Variants in SYT17 observed in about 807,000 individuals in gnomAD.
SYT17 encodes synaptotagmin-17.
SYT17 carries 22 observed loss-of-function variants against 46.7 expected under a neutral mutation model. The observed-to-expected ratio is 0.47, with a 90% CI of 0.34 to 0.67. The LOEUF (loss-of-function observed/expected upper bound fraction) is 0.67, where lower values mean the gene tolerates loss of function less well. Among genes scored for constraint, SYT17 ranks in the 30% least tolerant of loss-of-function variants. SYT17 has a pLI of 0.01. For synonymous variants in SYT17, 251 were observed against 248.4 expected (o/e 1.01, Z -0.10); for missense variants, 519 against 612.8 (o/e 0.85, Z 1.62).
intron 7 of SYT17, among the ~76,000 whole-genome samples, 194 bp downstream of exon 7, chr16:19,225,032 T>C (rs1308771623): frequency 6.6e-6 from 1 of 152,188 alleles, no homozygotes; most frequent in Non-Finnish European, 1.5e-5. Context: ...TTGTTAGAAA[T>C]GTGGACTTGA....
At chr16:19,214,085 TC>T (rs1966002561) in intron 5 of SYT17, among the ~76,000 whole-genome samples, 1 of 152,108 alleles carries the variant, frequency 6.6e-6, no homozygotes, top group Non-Finnish European at 1.5e-5. Context: ...CCTACCCTAT[TC>T]CCCAGTTATG....
chr16:19,173,007 C>T lies in SYT17; in HGVS notation c.33+230C>T, dbSNP rs192429708. On this transcript the variant is annotated intron_variant, in intron 2 of 7. Transcript: ENST00000355377. Reference sequence around the variant, plus strand: ...ACCCCTACTTATTCCGTTTGATTATCTCTGTCTGTTTCATGTCACCGAGAT... The same window carrying T: ...ACCCCTACTTATTCCGTTTGATTATTTCTGTCTGTTTCATGTCACCGAGAT... 93 of 597,442 alleles carry T rather than the reference C, an allele frequency of 1.6e-4. 1 individual carries two copies. The Admixed American group carries it at 2.5e-3, about 16-fold the overall frequency. The allele number at this position is 597,442 out of a possible 1,614,324, so 37.0% of individuals were successfully genotyped here.
intron 5 of SYT17, among the ~76,000 whole-genome samples, chr16:19,184,773 T>C (rs915694701): frequency 6.6e-6 from 1 of 152,178 alleles, no homozygotes; most frequent in Non-Finnish European, 1.5e-5. Context: ...AGGAGAATGA[T>C]TGCACAGGGT....
chr16:19,178,850 T>A (rs1031156251), intron 3 of SYT17, among the ~76,000 whole-genome samples: 8 of 152,076 alleles, frequency 5.3e-5, no homozygotes, highest in Non-Finnish European at 1.2e-4. Context: ...CCAGCATCCT[T>A]ACCTAGCTTT....
At chr16:19,191,311 G>A (rs575553406) in intron 5 of SYT17, among the ~76,000 whole-genome samples, 5 of 152,286 alleles carry the variant, frequency 3.3e-5, no homozygotes, top group South Asian at 2.1e-4. Context: ...GTATTCAGAC[G>A]GCCTTTGGGG....
chr16:19,228,464 C>G (rs866819850), intron 7 of SYT17, among the ~76,000 whole-genome samples: 9 of 152,256 alleles, frequency 5.9e-5, no homozygotes, highest in South Asian at 4.1e-4. Flanking sequence ...GATTCTCAAC[C>G]CTGGCTGTAC....
At chr16:19,176,741 TCCTGA>T (rs1316736642) in intron 3 of SYT17, among the ~76,000 whole-genome samples, 1 of 152,098 alleles carries the variant, frequency 6.6e-6, no homozygotes, top group Non-Finnish European at 1.5e-5. Context: ...GGTCTTAAAC[TCCTGA>T]CCTCAAGCAG....
intron 7 of SYT17, among the ~76,000 whole-genome samples, chr16:19,244,060 A>C (rs1214410723): frequency 1.3e-5 from 2 of 152,280 alleles, no homozygotes; most frequent in Non-Finnish European, 2.9e-5. Context: ...TAGCTCTTAT[A>C]ATAAAAATAG....
chr16:19,169,024 C>G (rs891948536), intron 1 of SYT17, among the ~76,000 whole-genome samples: 21 of 151,892 alleles, frequency 1.4e-4, no homozygotes, highest in Non-Finnish European at 2.9e-4. Flanking sequence ...GCCAGCCACC[C>G]GGCCCGCCAG....
intron 3 of SYT17, among the ~76,000 whole-genome samples, chr16:19,173,839 C>T (rs1283241677): frequency 2.6e-5 from 4 of 152,190 alleles, no homozygotes; most frequent in South Asian, 4.1e-4. Flanking sequence ...AGATACGAAC[C>T]GTGTAATGCT....
intron 5 of SYT17, among the ~76,000 whole-genome samples, chr16:19,193,448 T>A (rs1358545560): frequency 1.3e-5 from 2 of 152,228 alleles, no homozygotes; most frequent in East Asian, 3.8e-4. Flanking sequence ...GAACATTGCT[T>A]CAACCTGAGA....
chr16:19,199,800 G>A (rs1030620027), intron 5 of SYT17, among the ~76,000 whole-genome samples: 1 of 152,102 alleles, frequency 6.6e-6, no homozygotes, highest in Admixed American at 6.6e-5. Context: ...AAACTAATGG[G>A]GCTATAAGAA....
At chr16:19,264,513 G>A (rs1597059985) in intron 7 of SYT17, among the ~76,000 whole-genome samples, 1 of 152,056 alleles carries the variant, frequency 6.6e-6, no homozygotes, top group Non-Finnish European at 1.5e-5. Context: ...TTGAACAGAT[G>A]CTGTGAACCA....
chr16:19,211,425 C>T, intron 5 of SYT17: 1 of 703,746 alleles, frequency 1.4e-6, no homozygotes, highest in Non-Finnish European at 2.6e-6. Flanking sequence ...GACACATGGG[C>T]ACTTTCTTTG....
At chr16:19,203,398 G>C (rs1233554769) in intron 5 of SYT17, among the ~76,000 whole-genome samples, 1 of 151,980 alleles carries the variant, frequency 6.6e-6, no homozygotes, top group Non-Finnish European at 1.5e-5. Flanking sequence ...TCAGCAGGCT[G>C]AGGTAGGAGA....
intron 5 of SYT17, among the ~76,000 whole-genome samples, chr16:19,188,300 C>T (rs2142632488): frequency 6.6e-6 from 1 of 151,972 alleles, no homozygotes; most frequent in African/African-American, 2.4e-5. Context: ...CACATGGACA[C>T]AGAGAGGGGA....
chr16:19,245,453 G>A (rs1047549005), intron 7 of SYT17, among the ~76,000 whole-genome samples: 1 of 152,116 alleles, frequency 6.6e-6, no homozygotes, highest in Non-Finnish European at 1.5e-5. Context: ...GGGTGAGGTG[G>A]TGATCTCCAC....
intron 7 of SYT17, among the ~76,000 whole-genome samples, chr16:19,231,847 A>G (rs184371364): frequency 3.9e-5 from 6 of 152,334 alleles, no homozygotes; most frequent in Admixed American, 2.6e-4. Flanking sequence ...GCTTAATTCT[A>G]GTAGAGGCAG....
intron 7 of SYT17, among the ~76,000 whole-genome samples, chr16:19,246,718 C>CACTT (rs1214808180): frequency 1.3e-5 from 2 of 152,152 alleles, no homozygotes; most frequent in African/African-American, 4.8e-5. Flanking sequence ...GCTTTACTGC[C>CACTT]ACTTGCTCTT....
Sources: allele counts gnomAD v4.1 joint callset (sites outside exome capture counted in the v4.1 genomes callset), GRCh38; gene constraint gnomAD v4.1.1; transcripts MANE v1.5; gene names NCBI Gene and HGNC (gene_info 2026-07-23, HGNC 2026-07-21).